Variants in TRIM33 observed in about 807,000 individuals in gnomAD.
TRIM33 encodes the protein E3 ubiquitin-protein ligase TRIM33.
A neutral mutation model predicts 125.4 loss-of-function variants in TRIM33; 20 were observed. The observed-to-expected ratio is 0.16, with a 90% CI of 0.11 to 0.23. The LOEUF (loss-of-function observed/expected upper bound fraction) is 0.23, where lower values mean the gene tolerates loss of function less well. TRIM33 is among the 10% of genes least tolerant of loss of function. The pLI, the probability that TRIM33 is intolerant of heterozygous loss-of-function variation, is 1.00. For synonymous variants in TRIM33, 564 were observed against 513.9 expected, an observed-to-expected ratio of 1.10 and a Z score of -1.32; for missense variants, 920 against 1,411.4, an observed-to-expected ratio of 0.65 and a Z score of 5.58.
At chr1:114,505,097 T>C (rs1652917054) in intron 1 of TRIM33, among the ~76,000 whole-genome samples, 1 of 152,234 alleles carries the variant, frequency 6.6e-6, no homozygotes, top group African/African-American at 2.4e-5. Flanking sequence ...TAATTATTAC[T>C]CCCAATTTAC....
chr1:114,430,174 G>A (rs999493118), intron 6 of TRIM33, among the ~76,000 whole-genome samples: 1 of 151,962 alleles, frequency 6.6e-6, no homozygotes, highest in African/African-American at 2.4e-5. Flanking sequence ...ATCTTAAGGG[G>A]GTGGGGAAGA....
intron 4 of TRIM33, among the ~76,000 whole-genome samples, chr1:114,446,828 GA>G (rs1649009580): frequency 6.6e-6 from 1 of 152,204 alleles, no homozygotes; most frequent in African/African-American, 2.4e-5. Flanking sequence ...GCAGAGGCGA[GA>G]GGATCACACT....
At chr1:114,505,224 T>C (rs1404438783) in intron 1 of TRIM33, among the ~76,000 whole-genome samples, 2 of 152,342 alleles carry the variant, frequency 1.3e-5, no homozygotes, top group African/African-American at 4.8e-5. Context: ...TTCAGCAATC[T>C]TGGACACATC....
At chr1:114,448,611 G>A (rs1649134211) in intron 4 of TRIM33, among the ~76,000 whole-genome samples, 1 of 152,108 alleles carries the variant, frequency 6.6e-6, no homozygotes. Flanking sequence ...TCAAAAAGTG[G>A]GATATGGGAG....
At chr1:114,493,882 A>G (rs911235103) in intron 1 of TRIM33, among the ~76,000 whole-genome samples, 6 of 152,144 alleles carry the variant, frequency 3.9e-5, no homozygotes, top group Non-Finnish European at 8.8e-5. Flanking sequence ...GCTGGAGTGC[A>G]GTGGCACGAT....
intron 1 of TRIM33, among the ~76,000 whole-genome samples, chr1:114,473,005 G>A (rs929420278): frequency 1.3e-5 from 2 of 151,954 alleles, no homozygotes; most frequent in African/African-American, 4.8e-5. Context: ...AATATAAAAT[G>A]TTCTTTTTTT....
chr1:114,445,298 C>G (rs546205283), intron 4 of TRIM33, among the ~76,000 whole-genome samples: 3 of 152,282 alleles, frequency 2.0e-5, no homozygotes, highest in South Asian at 2.1e-4. Flanking sequence ...AGCACAGTGG[C>G]ATGATCACAG....
intron 1 of TRIM33, among the ~76,000 whole-genome samples, chr1:114,494,832 G>A (rs539020016): frequency 1.3e-5 from 2 of 152,294 alleles, no homozygotes; most frequent in Non-Finnish European, 2.9e-5. Context: ...CCTTAAAAAT[G>A]ACTAATCAGA....
chr1:114,441,127 G>C (rs1211775153), intron 4 of TRIM33, among the ~76,000 whole-genome samples: 3 of 152,180 alleles, frequency 2.0e-5, no homozygotes, highest in African/African-American at 7.2e-5. Flanking sequence ...GGGTAATAAA[G>C]CGAGACCCTG....
chr1:114,435,355 A>T (rs1405202202), intron 4 of TRIM33, among the ~76,000 whole-genome samples: 1 of 152,176 alleles, frequency 6.6e-6, no homozygotes, highest in Non-Finnish European at 1.5e-5. Context: ...TCCATGGTAC[A>T]ACCTGAAAAC....
chr1:114,479,473 A>C (rs527963405), intron 1 of TRIM33, among the ~76,000 whole-genome samples: 1 of 152,332 alleles, frequency 6.6e-6, no homozygotes, highest in South Asian at 2.1e-4. Flanking sequence ...ATAAAATGAC[A>C]TATTCAAACT....
intron 1 of TRIM33, among the ~76,000 whole-genome samples, chr1:114,473,689 C>T (rs1451268302): frequency 6.6e-6 from 1 of 152,136 alleles, no homozygotes; most frequent in Non-Finnish European, 1.5e-5. Context: ...ATTGAACACA[C>T]TGACATTGAT....
chr1:114,473,278 T>C (rs890196164), intron 1 of TRIM33, among the ~76,000 whole-genome samples: 1 of 150,536 alleles, frequency 6.6e-6, no homozygotes, highest in Non-Finnish European at 1.5e-5. Flanking sequence ...AAAAAATTCA[T>C]TTTTTTTCCT....
intron 1 of TRIM33, among the ~76,000 whole-genome samples, chr1:114,496,633 T>C (rs958059075): frequency 1.3e-5 from 2 of 152,186 alleles, no homozygotes; most frequent in Non-Finnish European, 1.5e-5. Flanking sequence ...ATTCAAAATA[T>C]AATAATTGAG....
intron 11 of TRIM33, among the ~76,000 whole-genome samples, chr1:114,419,089 T>C (rs1653109700): frequency 6.7e-6 from 1 of 149,860 alleles, no homozygotes; most frequent in Non-Finnish European, 1.5e-5. Flanking sequence ...TGCTTCCAGC[T>C]ACTTGGGAGG....
In TRIM33 at chr1:114,396,882, T is replaced by G. The variant is rs911843824; in HGVS notation, c.*766A>C. Reference sequence around the variant, plus strand: ...GGAATAACTGTATGATCACATGATTTGATTGGGAAGTACAATTGTGAGGAA... The same window carrying G: ...GGAATAACTGTATGATCACATGATTGGATTGGGAAGTACAATTGTGAGGAA... On this transcript the variant is annotated 3_prime_UTR_variant, in exon 20 of 20. Coordinates refer to ENST00000358465, the MANE Select transcript of TRIM33 (RefSeq NM_015906.4). 23 of 211,016 alleles carry G rather than the reference T, an allele frequency of 1.1e-4. No homozygotes were observed. Among genetic ancestry groups the G allele is most frequent in the African/African-American group, 4.8e-4 (21 of 44,142 alleles). The allele number at this position is 211,016 out of a possible 1,614,324, so 13.1% of individuals were successfully genotyped here. A position where few individuals can be genotyped will look rare whatever the true frequency, so the allele number is the denominator to read the frequency against.
chr1:114,490,904 A>G (rs970415021), intron 1 of TRIM33: 5 of 152,220 alleles, frequency 3.3e-5, no homozygotes, highest in Non-Finnish European at 5.9e-5. Flanking sequence ...GGTCAGCCAC[A>G]TAAGACCACA....
intron 4 of TRIM33, among the ~76,000 whole-genome samples, chr1:114,461,995 A>G (rs1238565713): frequency 6.6e-6 from 1 of 152,230 alleles, no homozygotes; most frequent in East Asian, 1.9e-4. Context: ...TATATTCTCT[A>G]TACCCTATGG....
intron 4 of TRIM33, 83 bp from the exon 5 acceptor site, chr1:114,433,816 T>C (rs1469586368): frequency 2.4e-6 from 2 of 826,108 alleles, no homozygotes; most frequent in South Asian, 1.6e-5. Context: ...AATGAGTCAA[T>C]CTTGAAACCT....
Sources: gnomAD v4.1 joint callset for allele counts (sites outside exome capture counted in the v4.1 genomes callset) on GRCh38, gnomAD v4.1.1 for gene constraint, MANE v1.5 for transcripts, NCBI Gene and HGNC (gene_info 2026-07-23, HGNC 2026-07-21) for gene names.